The following CENPH variants were observed in gnomAD, a reference collection of about 807,000 sequenced individuals.
CENPH encodes centromere protein H.
In CENPH, 40 loss-of-function variants were observed where a neutral mutation model predicts 42.9. That is an observed-to-expected ratio of 0.93 (90% CI 0.72 to 1.21). The LOEUF is 1.21. CENPH is among the 50% of genes most tolerant of loss of function. CENPH has a pLI of 0.00. For synonymous variants in CENPH, 88 were observed against 96.5 expected, an observed-to-expected ratio of 0.91 and a Z score of 0.52; for missense variants, 302 against 292.9, an observed-to-expected ratio of 1.03 and a Z score of -0.23.
chr5:69,199,680 G>C (rs948855633), intron 5 of CENPH, among the ~76,000 whole-genome samples: 3 of 152,146 alleles, frequency 2.0e-5, no homozygotes, highest in Non-Finnish European at 2.9e-5. Context: ...ATGGTTTCCT[G>C]AGAAGGGAAC....
At chr5:69,193,181 ATG>A (rs1166946770) in intron 2 of CENPH, among the ~76,000 whole-genome samples, 1 of 147,560 alleles carries the variant, frequency 6.8e-6, no homozygotes, top group Non-Finnish European at 1.5e-5. Context: ...ATGTGTGTGT[ATG>A]TGTATATATG....
At chr5:69,192,007 T>G (rs1747879925) in intron 2 of CENPH, among the ~76,000 whole-genome samples, 157 bp downstream of exon 2, 1 of 152,190 alleles carries the variant, frequency 6.6e-6, no homozygotes, top group South Asian at 2.1e-4. Flanking sequence ...CACCTCAGCC[T>G]CCCAAGTAAC....
chr5:69,207,375 G>A (rs936072950), intron 7 of CENPH, among the ~76,000 whole-genome samples: 1 of 151,818 alleles, frequency 6.6e-6, no homozygotes. Flanking sequence ...TTTTCATAGA[G>A]ATGGGGTTTC....
chr5:69,194,845 C>G (rs1400184075), intron 3 of CENPH, 150 bp downstream of exon 3: 5 of 471,106 alleles, frequency 1.1e-5, no homozygotes, highest in Admixed American at 4.3e-5. Context: ...CTCCTGGGCT[C>G]AAGGGATCCA....
At chr5:69,206,252 G>A (rs1465231096) in intron 7 of CENPH, among the ~76,000 whole-genome samples, 1 of 150,498 alleles carries the variant, frequency 6.6e-6, no homozygotes, top group Non-Finnish European at 1.5e-5. Context: ...GCGTGATCTC[G>A]GCTCACTGCA....
intron 1 of CENPH, among the ~76,000 whole-genome samples, chr5:69,190,914 T>C (rs113666829): frequency 1.3e-5 from 2 of 152,080 alleles, no homozygotes; most frequent in Non-Finnish European, 2.9e-5. Flanking sequence ...TTAATTACCA[T>C]TTTTTTCTTT....
chr5:69,208,868 G>C (rs2112098348), intron 8 of CENPH, among the ~76,000 whole-genome samples: 1 of 151,586 alleles, frequency 6.6e-6, no homozygotes, highest in Middle Eastern at 3.6e-3. Flanking sequence ...CATGATCTCG[G>C]TCCATTGCAA....
rs773556151 is a variant in CENPH, at chr5:69,189,671, C to T, written c.37C>T (p.Pro13Ser). ...EQPQMQDADE[P>S]ADSGGEGRAG... ...GCCCCAGATGCAAGACGCCGACGAG[C>T]CCGCGGACTCCGGAGGGGAAGGCCG... Residue 13 changes from proline (P) to serine (S), a missense_variant, in exon 1 of 9, where the codon CCC (proline) becomes TCC (serine). Physicochemically the swap from Pro to Ser is moderately conservative, Grantham distance 74 (BLOSUM62 -1). Transcript: ENST00000283006. 7 of 1,598,430 alleles carry T rather than the reference C, an allele frequency of 4.4e-6. No individual in the cohort carries two copies. The highest frequency in any genetic ancestry group is 1.7e-5 in the Admixed American group (1 of 58,458).
intron 2 of CENPH, among the ~76,000 whole-genome samples, chr5:69,192,608 G>A (rs905207903): frequency 6.6e-6 from 1 of 151,970 alleles, no homozygotes; most frequent in African/African-American, 2.4e-5. Context: ...GTGAGACCTC[G>A]TCCCTACAAA....
chr5:69,189,592 G>T lies in CENPH; in HGVS notation c.-43G>T. The stretch of plus-strand genomic sequence containing the variant: ...TGGCGGGAAAAGCGACCTTTTCTGA[G>T]CGCGTTTGCCTGTTGAGTGGTAGCC... On this transcript the variant is annotated 5_prime_UTR_variant, in exon 1 of 9. Transcript: ENST00000283006. The T allele has an allele frequency of 6.5e-7, 1 of 1,529,748 alleles. No individual in the cohort carries two copies. Among genetic ancestry groups the T allele is most frequent in the Non-Finnish European group, 8.8e-7 (1 of 1,142,028 alleles). 94.8% of individuals were successfully genotyped at this position (1,529,748 alleles called of 1,614,324 possible).
chr5:69,197,797 TATA>T (rs1000534697), intron 5 of CENPH, among the ~76,000 whole-genome samples: 6 of 146,868 alleles, frequency 4.1e-5, no homozygotes, highest in African/African-American at 1.5e-4. Flanking sequence ...AAACTTAAAG[TATA>T]ATAATAATAA....
rs747700391 is a variant in CENPH, at chr5:69,191,819, A to T, written c.159A>T (p.Gln53His). ...LLRLRAQTKQ[Q>H]LLEYKSMVDA... is the part of the protein sequence containing the mutation. ...GGCTGAGAGCACAGACAAAACAACA[A>T]CTCTTAGAATATAAATCAATGGTTG... The change falls in exon 2 of 9, where the codon CAA (glutamine) becomes CAT (histidine). Residue 53 changes from glutamine (Q) to histidine (H), a missense_variant. By Grantham distance (24) the Gln-to-His change is conservative. Coordinates refer to ENST00000283006, the MANE Select transcript of CENPH (RefSeq NM_022909.4). 2 of 1,553,448 alleles carry T rather than the reference A, an allele frequency of 1.3e-6. No individual in the cohort carries two copies.
At position 69,209,872 on chromosome 5, in the gene CENPH, G is replaced by T. The variant is rs1748218869; in HGVS notation, c.*73G>T. 6.0e-6 allele frequency: 5 copies of T among 836,504 alleles called. No individual in the cohort carries two copies. The Admixed American group carries it at 6.2e-5, about 10-fold the overall frequency. The allele number at this position is 836,504 out of a possible 1,614,324, so 51.8% of individuals were successfully genotyped here. On this transcript the variant is annotated 3_prime_UTR_variant, in exon 9 of 9. Transcript: ENST00000283006. ...TTATTTGGAATACTTCTGTGCATTTGTCTGTCCACCGTAATTTTAGAAAAG... is the reference window on the plus strand; with the variant it reads ...TTATTTGGAATACTTCTGTGCATTTTTCTGTCCACCGTAATTTTAGAAAAG...
At chr5:69,204,080 A>AT (rs1748108356) in intron 7 of CENPH, among the ~76,000 whole-genome samples, 1 of 106,816 alleles carries the variant, frequency 9.4e-6, no homozygotes, top group Non-Finnish European at 1.9e-5. Flanking sequence ...TAATATATAA[A>AT]TATATATAAT....
chr5:69,195,666 A>G (rs1252681389), intron 3 of CENPH, 51 bp from the exon 4 acceptor site: 1 of 1,030,118 alleles, frequency 9.7e-7, no homozygotes, highest in Admixed American at 2.0e-5. Flanking sequence ...TATTTCAATA[A>G]TGTCTTTTTC....
At chr5:69,199,641 C>G (rs1042505834) in intron 5 of CENPH, among the ~76,000 whole-genome samples, 2 of 152,154 alleles carry the variant, frequency 1.3e-5, no homozygotes, top group Non-Finnish European at 2.9e-5. Context: ...TTATAAGTTT[C>G]AGTTCCTTGA....
intron 3 of CENPH, 115 bp downstream of exon 3, chr5:69,194,810 G>A (rs893260635): frequency 3.5e-6 from 2 of 576,326 alleles, no homozygotes; most frequent in African/African-American, 3.9e-5. Flanking sequence ...GCAGTGGTGT[G>A]ATCATAGTTC....
chr5:69,189,843 C>T (rs879746033), intron 1 of CENPH, 75 bp downstream of exon 1: 2 of 1,399,536 alleles, frequency 1.4e-6, no homozygotes, highest in Non-Finnish European at 1.9e-6. Flanking sequence ...CTCAGAAGGG[C>T]TAGGGTTCGA....
At chr5:69,197,913 CTTTTTTT>C (rs1172938522) in intron 5 of CENPH, among the ~76,000 whole-genome samples, 1 of 74,166 alleles carries the variant, frequency 1.3e-5, no homozygotes, top group South Asian at 5.5e-4. Flanking sequence ...TACCTATGAT[CTTTTTTT>C]TTTTTTTTTT....
Sources: gnomAD v4.1 joint callset for allele counts (sites outside exome capture counted in the v4.1 genomes callset) on GRCh38, gnomAD v4.1.1 for gene constraint, MANE v1.5 for transcripts, NCBI Gene and HGNC (gene_info 2026-07-23, HGNC 2026-07-21) for gene names.